Variants in CERS6 observed in about 807,000 individuals in gnomAD.
CERS6 encodes the protein LAG1 homolog, ceramide synthase 6.
A neutral mutation model predicts 56.8 loss-of-function variants in CERS6; 26 were observed. The ratio of observed to expected loss-of-function variants is 0.46; its 90% confidence interval spans 0.34 to 0.63. The LOEUF (loss-of-function observed/expected upper bound fraction) is 0.63, where lower values mean the gene tolerates loss of function less well. Ranked by LOEUF, CERS6 falls within the 30% of genes least tolerant of loss-of-function variation. The pLI, the probability that CERS6 is intolerant of heterozygous loss-of-function variation, is 0.01. For synonymous variants in CERS6, 164 were observed against 173.3 expected (o/e 0.95, Z 0.42); for missense variants, 415 against 467.5 (o/e 0.89, Z 1.04).
At chr2:168,474,935 C>G (rs1425096107) in intron 1 of CERS6, among the ~76,000 whole-genome samples, 1 of 152,056 alleles carries the variant, frequency 6.6e-6, no homozygotes, top group Non-Finnish European at 1.5e-5. Flanking sequence ...GAAGAATTAC[C>G]TTATGATTAA....
intron 1 of CERS6, among the ~76,000 whole-genome samples, chr2:168,541,923 C>T (rs1443233443): frequency 6.6e-6 from 1 of 152,186 alleles, no homozygotes; most frequent in Non-Finnish European, 1.5e-5. Flanking sequence ...CTGGTTCCTG[C>T]AGCTAGAAAG....
chr2:168,667,829 C>G (rs971995626), intron 4 of CERS6, among the ~76,000 whole-genome samples: 2 of 152,168 alleles, frequency 1.3e-5, no homozygotes, highest in Non-Finnish European at 1.5e-5. Context: ...GGGAGGCAGA[C>G]AGGTGAACAG....
At chr2:168,542,759 C>T (rs1024327902) in intron 1 of CERS6, among the ~76,000 whole-genome samples, 1 of 152,038 alleles carries the variant, frequency 6.6e-6, no homozygotes, top group Non-Finnish European at 1.5e-5. Context: ...TGCAGTGGCA[C>T]AATATTGGCC....
intron 6 of CERS6, among the ~76,000 whole-genome samples, chr2:168,701,546 A>G (rs924639494): frequency 7.2e-5 from 11 of 152,332 alleles, no homozygotes; most frequent in African/African-American, 2.2e-4. Flanking sequence ...TTCATGCCAC[A>G]TTCTTGCAGA....
At chr2:168,534,878 A>G (rs571050584) in intron 1 of CERS6, among the ~76,000 whole-genome samples, 10 of 152,186 alleles carry the variant, frequency 6.6e-5, no homozygotes, top group Non-Finnish European at 1.5e-4. Flanking sequence ...CCCTCCCACT[A>G]GGAGATTAGG....
chr2:168,560,168 G>A lies in CERS6; in HGVS notation c.277-1024G>A, dbSNP rs114210648. The stretch of plus-strand genomic sequence containing the variant: ...GGCAGACAAAAGAGAACTTGTGCAG[G>A]GAAATTCCCCTTTTTAAAACCATCA... On this transcript the variant is annotated intron_variant, in intron 2 of 9. Coordinates refer to ENST00000305747, the MANE Select transcript of CERS6 (RefSeq NM_203463.3). Among the ~76,000 whole-genome samples the A allele has an allele frequency of 8.0e-3, 1,219 of 152,192 alleles. 9 individuals carry two copies. Among genetic ancestry groups the A allele is most frequent in the Middle Eastern group, 0.02 (6 of 294 alleles).
chr2:168,564,805 ATT>A lies in CERS6; in HGVS notation c.407+3485_407+3486del, dbSNP rs1695855118. On this transcript the variant is annotated intron_variant, in intron 3 of 9. Transcript: ENST00000305747. ...CCCCTGCATCCTGAGAGTACTAGGA[ATT>A]TAACCCTGAATCACATGCTGCCTTA... Among the ~76,000 whole-genome samples, 4 of 152,310 alleles carry A rather than the reference ATT, an allele frequency of 2.6e-5. No homozygotes were observed. In the South Asian group the frequency reaches 8.3e-4, roughly 32 times the overall value.
At chr2:168,555,722 CTGTGTGTGTGTGTGTG>C (rs58781728) in intron 2 of CERS6, among the ~76,000 whole-genome samples, 5 of 140,918 alleles carry the variant, frequency 3.5e-5, no homozygotes, top group Admixed American at 1.4e-4. Flanking sequence ...ATAATTGACT[CTGTGTGTGTGTGTGTG>C]TGTGTGTGTG....
At chr2:168,611,057 C>T (rs1036630004) in intron 3 of CERS6, among the ~76,000 whole-genome samples, 1 of 152,136 alleles carries the variant, frequency 6.6e-6, no homozygotes, top group Non-Finnish European at 1.5e-5. Flanking sequence ...GATATGCCCA[C>T]CTCAGCCTCT....
intron 3 of CERS6, among the ~76,000 whole-genome samples, chr2:168,567,272 G>T (rs1695900768): frequency 6.6e-6 from 1 of 152,146 alleles, no homozygotes; most frequent in African/African-American, 2.4e-5. Flanking sequence ...TGAATGTCTT[G>T]GTGTGCAAGA....
chr2:168,646,639 T>C (rs1685210801), intron 4 of CERS6, among the ~76,000 whole-genome samples: 1 of 152,140 alleles, frequency 6.6e-6, no homozygotes, highest in Admixed American at 6.5e-5. Context: ...TGGTATCACC[T>C]ACGTTGTTTT....
chr2:168,555,588 C>T (rs1455138030), intron 2 of CERS6, among the ~76,000 whole-genome samples: 1 of 151,074 alleles, frequency 6.6e-6, no homozygotes, highest in South Asian at 2.1e-4. Flanking sequence ...GCAGCTAAAT[C>T]GACTAAGAAA....
At chr2:168,542,976 C>T (rs1371727391) in intron 1 of CERS6, among the ~76,000 whole-genome samples, 2 of 152,318 alleles carry the variant, frequency 1.3e-5, no homozygotes, top group South Asian at 2.1e-4. Flanking sequence ...GGATTACAGG[C>T]GTGAGCCACT....
rs572603536 is a variant in CERS6, at chr2:168,547,784, T to A, written c.276+83T>A. On this transcript the variant is annotated intron_variant, in intron 2 of 9. Transcript: ENST00000305747. ...GTCATTCAATTTGTCCCCTTCTGGG[T>A]TTGGAGAATCAACTTTTGCCTAGCC... 9 of 986,874 alleles carry A rather than the reference T, an allele frequency of 9.1e-6. No homozygotes were observed. The African/African-American group carries it at 1.4e-4, about 16-fold the overall frequency. The allele number at this position is 986,874 out of a possible 1,614,324, so 61.1% of individuals were successfully genotyped here.
chr2:168,705,001 T>A (rs555856441), intron 6 of CERS6, among the ~76,000 whole-genome samples: 1 of 152,310 alleles, frequency 6.6e-6, no homozygotes, highest in African/African-American at 2.4e-5. Flanking sequence ...GTCTCCTCTT[T>A]CCTGCCTCCT....
intron 4 of CERS6, among the ~76,000 whole-genome samples, chr2:168,658,917 C>A (rs1376737935): frequency 1.3e-5 from 2 of 152,202 alleles, no homozygotes; most frequent in Non-Finnish European, 2.9e-5. Flanking sequence ...ATGGTGCCAT[C>A]AGCTTCTATC....
intron 1 of CERS6, among the ~76,000 whole-genome samples, chr2:168,462,710 A>AT (rs946748909): frequency 1.3e-5 from 2 of 150,848 alleles, no homozygotes; most frequent in African/African-American, 4.9e-5. Context: ...CTAATTTTTA[A>AT]TTTTTTTTTG....
intron 8 of CERS6, among the ~76,000 whole-genome samples, chr2:168,764,201 G>C (rs1398890822): frequency 6.6e-6 from 1 of 151,906 alleles, no homozygotes; most frequent in Non-Finnish European, 1.5e-5. Flanking sequence ...GGAGTGCAGT[G>C]GCACGATCTC....
At chr2:168,466,236 T>C (rs1693871737) in intron 1 of CERS6, among the ~76,000 whole-genome samples, 2 of 152,136 alleles carry the variant, frequency 1.3e-5, no homozygotes, top group South Asian at 2.1e-4. Flanking sequence ...ACTGGCTGCA[T>C]GTGTAGAAGA....
Sources: gnomAD v4.1 joint callset for allele counts (sites outside exome capture counted in the v4.1 genomes callset) on GRCh38, gnomAD v4.1.1 for gene constraint, MANE v1.5 for transcripts, NCBI Gene and HGNC (gene_info 2026-07-23, HGNC 2026-07-21) for gene names.